Variants in CCSER1 observed in about 807,000 individuals in gnomAD.
CCSER1 encodes the protein serine-rich coiled-coil domain-containing protein 1.
A neutral mutation model predicts 82.0 loss-of-function variants in CCSER1; 41 were observed. The ratio of observed to expected loss-of-function variants is 0.50; its 90% CI spans 0.39 to 0.65. The LOEUF is 0.65. Among genes scored for constraint, CCSER1 ranks in the 30% least tolerant of loss-of-function variants. The pLI, the probability that CCSER1 is intolerant of heterozygous loss-of-function variation, is 0.00. For synonymous variants in CCSER1, 414 were observed against 383.9 expected, an observed-to-expected ratio of 1.08 and a Z score of -0.92; for missense variants, 1,119 against 1,064.2, an observed-to-expected ratio of 1.05 and a Z score of -0.72.
rs115365120 is a variant in CCSER1 at position 90,218,190 on chromosome 4, G to A, written c.-41-90054G>A. On this transcript the variant is annotated intron_variant, in intron 1 of 10. Coordinates refer to ENST00000509176, the MANE Select transcript of CCSER1 (RefSeq NM_001145065.2). ...TCCATGTCTACTGAGATGATCATGC[G>A]GTTTTTGTTTTTAATTCATTCATAT... 7.1e-3 allele frequency among the ~76,000 whole-genome samples: 1,080 copies of A among 152,150 alleles called. 6 individuals carry two copies. Among genetic ancestry groups the A allele is most frequent in the Non-Finnish European group, 0.01 (710 of 67,998 alleles).
intron 5 of CCSER1, among the ~76,000 whole-genome samples, chr4:90,516,952 T>C (rs1055730801): frequency 2.6e-5 from 4 of 152,138 alleles, no homozygotes; most frequent in Admixed American, 6.6e-5. Flanking sequence ...AGTTATTTGG[T>C]AGTTTATATG....
intron 1 of CCSER1, among the ~76,000 whole-genome samples, chr4:90,149,449 C>A (rs1282386679): frequency 2.0e-5 from 3 of 152,148 alleles, no homozygotes; most frequent in Non-Finnish European, 4.4e-5. Context: ...CTATGCTTGA[C>A]TTTTATATTG....
intron 10 of CCSER1, among the ~76,000 whole-genome samples, chr4:91,166,402 C>T (rs371116511): frequency 4.6e-5 from 7 of 152,186 alleles, no homozygotes; most frequent in African/African-American, 1.4e-4. Flanking sequence ...TTCCCATTAC[C>T]CAAATGTTCA....
At chr4:90,304,495 G>A (rs550017747) in intron 1 of CCSER1, among the ~76,000 whole-genome samples, 1 of 152,206 alleles carries the variant, frequency 6.6e-6, no homozygotes, top group Non-Finnish European at 1.5e-5. Context: ...CATGTCCTTT[G>A]TAGGGACACG....
At chr4:90,682,157 T>A (rs903526264) in intron 6 of CCSER1, among the ~76,000 whole-genome samples, 1 of 151,932 alleles carries the variant, frequency 6.6e-6, no homozygotes, top group Non-Finnish European at 1.5e-5. Flanking sequence ...GTAAATCATC[T>A]TGGAGAGTTC....
At chr4:90,605,718 CTGCT>C (rs1309234547) in intron 5 of CCSER1, among the ~76,000 whole-genome samples, 5 of 152,094 alleles carry the variant, frequency 3.3e-5, no homozygotes, top group Admixed American at 6.5e-5. Flanking sequence ...TGTCTTTTGA[CTGCT>C]TGCTAAAAAT....
chr4:90,177,099 A>G (rs1732849316), intron 1 of CCSER1, among the ~76,000 whole-genome samples: 1 of 152,120 alleles, frequency 6.6e-6, no homozygotes, highest in African/African-American at 2.4e-5. Flanking sequence ...TTATTTTCAG[A>G]CAAACTGTGC....
intron 8 of CCSER1, among the ~76,000 whole-genome samples, chr4:90,895,680 T>C (rs1378588235): frequency 2.0e-5 from 3 of 151,864 alleles, no homozygotes; most frequent in African/African-American, 7.2e-5. Context: ...GTTGAGGCTT[T>C]GGGTGAAGTA....
At chr4:90,666,940 A>C (rs1327866897) in intron 6 of CCSER1, among the ~76,000 whole-genome samples, 2 of 152,210 alleles carry the variant, frequency 1.3e-5, no homozygotes, top group African/African-American at 4.8e-5. Flanking sequence ...ATGGATTTAC[A>C]AAGAAAATAA....
intron 10 of CCSER1, among the ~76,000 whole-genome samples, chr4:91,179,089 G>T (rs750090445): frequency 2.0e-5 from 3 of 152,082 alleles, no homozygotes; most frequent in African/African-American, 7.2e-5. Flanking sequence ...TGAAATTCTG[G>T]GCTGAAAATT....
At chr4:91,039,162 G>A (rs1202995610) in intron 9 of CCSER1, among the ~76,000 whole-genome samples, 1 of 151,848 alleles carries the variant, frequency 6.6e-6, no homozygotes, top group Admixed American at 6.6e-5. Flanking sequence ...TGAGTATCTG[G>A]GACTAAGGCA....
intron 9 of CCSER1, among the ~76,000 whole-genome samples, chr4:90,941,623 T>C (rs1731592657): frequency 6.6e-6 from 1 of 152,206 alleles, no homozygotes; most frequent in Admixed American, 6.5e-5. Flanking sequence ...CTTCTCCTTA[T>C]AGTACTCTCC....
intron 9 of CCSER1, among the ~76,000 whole-genome samples, chr4:90,925,033 T>A (rs894158530): frequency 6.6e-6 from 1 of 152,142 alleles, no homozygotes; most frequent in Admixed American, 6.6e-5. Context: ...TGCCTAAAAA[T>A]TTTTTAATGA....
At chr4:91,486,126 T>G (rs1388286457) in intron 10 of CCSER1, among the ~76,000 whole-genome samples, 1 of 151,892 alleles carries the variant, frequency 6.6e-6, no homozygotes, top group Non-Finnish European at 1.5e-5. Flanking sequence ...TATTAAAATT[T>G]TAAGAATGTA....
At chr4:91,341,621 G>A (rs78385183) in intron 10 of CCSER1, among the ~76,000 whole-genome samples, 9,349 of 151,968 alleles carry the variant, frequency 0.062, 944 homozygotes, top group African/African-American at 0.21. Context: ...GTGCCATGTC[G>A]GCTCACTGCC....
chr4:91,153,147 C>A (rs1403874880), intron 10 of CCSER1, among the ~76,000 whole-genome samples: 1 of 151,950 alleles, frequency 6.6e-6, no homozygotes, highest in Non-Finnish European at 1.5e-5. Flanking sequence ...TCAGATATAC[C>A]AATCAGATGT....
chr4:90,939,731 A>T (rs910527290), intron 9 of CCSER1, among the ~76,000 whole-genome samples: 40 of 152,288 alleles, frequency 2.6e-4, no homozygotes, highest in Admixed American at 2.1e-3. Context: ...TCATTATGTA[A>T]CATGTATTAT....
At chr4:90,341,844 A>G (rs1050630216) in intron 3 of CCSER1, among the ~76,000 whole-genome samples, 7 of 152,198 alleles carry the variant, frequency 4.6e-5, no homozygotes, top group African/African-American at 1.7e-4. Context: ...CAAAAAATAG[A>G]AAGAACCTTA....
chr4:90,345,899 T>G (rs1198793463), intron 3 of CCSER1, among the ~76,000 whole-genome samples: 1 of 152,054 alleles, frequency 6.6e-6, no homozygotes, highest in Non-Finnish European at 1.5e-5. Flanking sequence ...CTCTTAGAAT[T>G]AAGAGAAAAA....
Sources: allele counts gnomAD v4.1 joint callset (sites outside exome capture counted in the v4.1 genomes callset), GRCh38; gene constraint gnomAD v4.1.1; transcripts MANE v1.5; gene names NCBI Gene and HGNC (gene_info 2026-07-23, HGNC 2026-07-21).